PREB: variants seen among roughly 807,000 people sequenced by gnomAD.
The protein encoded by PREB is guanine nucleotide-exchange factor SEC12.
Under a neutral mutation model 46.7 loss-of-function variants are expected in PREB, and 29 were observed. That is an observed-to-expected ratio of 0.62 (90% CI 0.46 to 0.85). The LOEUF (loss-of-function observed/expected upper bound fraction) is 0.85, where lower values mean the gene tolerates loss of function less well. PREB is among the 40% of genes least tolerant of loss of function. The probability of loss-of-function intolerance (pLI) is 0.00; values close to 1 mark genes in which losing one functional copy is unlikely to be tolerated. For synonymous variants in PREB, 224 were observed against 220.1 expected (o/e 1.02, Z -0.16); for missense variants, 494 against 528.4 (o/e 0.93, Z 0.64).
In PREB at chr2:27,134,632, G is replaced by T; in HGVS notation, c.-211C>A. 1.6e-6 allele frequency: 2 copies of T among 1,266,318 alleles called. No homozygotes were observed. Among genetic ancestry groups the T allele is most frequent in the Non-Finnish European group, 2.0e-6 (2 of 999,524 alleles). 78.4% of individuals were successfully genotyped at this position (1,266,318 alleles called of 1,614,324 possible). On this transcript the variant is annotated 5_prime_UTR_variant, in exon 1 of 9. Coordinates refer to ENST00000260643, the MANE Select transcript of PREB (RefSeq NM_013388.6). Reference sequence around the variant, plus strand: ...CCGTCCAAGTCGGTCTCGCAGACGCGCACTGCGCATGCGCACCTGTCTCGC... The same window carrying T: ...CCGTCCAAGTCGGTCTCGCAGACGCTCACTGCGCATGCGCACCTGTCTCGC...
chr2:27,133,033 T>C, intron 3 of PREB, 84 bp downstream of exon 3: 1 of 1,584,396 alleles, frequency 6.3e-7, no homozygotes, highest in Non-Finnish European at 8.7e-7. Context: ...CATTCACAAG[T>C]TTCCCAGATG....
In PREB at chr2:27,131,511, G is replaced by T. The variant is rs761223896; in HGVS notation, c.1160-3C>A. 1 of 1,592,394 alleles carries T rather than the reference G, an allele frequency of 6.3e-7. No homozygotes were observed. On this transcript the variant is annotated splice_region_variant and splice_polypyrimidine_tract_variant and intron_variant, in intron 8 of 8. Coordinates refer to ENST00000260643, the MANE Select transcript of PREB (RefSeq NM_013388.6). ...CAGGAGCCACACAGGAACACTCCCT[G>T]CAGGAGGGAAAGGGAGGAGGTCAGC...
rs780072087 is a variant in PREB at position 27,132,710 on chromosome 2, C to T, written c.645G>A (p.Arg215=). The part of the protein sequence containing the change: ...GPDGKLVTVG[R]DLKASVWQKD... ...TCTGCCACACAGAGGCCTTAAGGTC[C>T]CGGCCCACGGTTACCAACTAGTTAG... The change falls in exon 5 of 9, where the codon CGG becomes CGA. Residue 215 remains arginine (R), a synonymous_variant. Transcript: ENST00000260643. The surrounding 1 kb of genome is among the most constrained non-coding windows in gnomAD (Gnocchi z 4.0). 3.1e-6 allele frequency: 5 copies of T among 1,614,010 alleles called. No homozygotes were observed. The Admixed American group carries it at 5.0e-5, about 16-fold the overall frequency.
intron 1 of PREB, 61 bp downstream of exon 1, chr2:27,134,226 C>G (rs1201985494): frequency 5.4e-6 from 8 of 1,474,930 alleles, no homozygotes; most frequent in Non-Finnish European, 4.5e-6. Context: ...GACCCCCCGG[C>G]CACCCTGGAA....
chr2:27,133,759 TGCC>T lies in PREB; in HGVS notation c.136-41_136-39del, dbSNP rs772364023. The T allele has an allele frequency of 9.4e-6, 15 of 1,596,564 alleles. No homozygotes were observed. In the South Asian group the frequency reaches 1.7e-4, roughly 18 times the overall value. ...GAACCCGGATGAGCAAGTTCAGGGG[TGCC>T]CAGAGAGCACGTTTAGGGAAGAGTC... On this transcript the variant is annotated intron_variant, in intron 1 of 8. Transcript: ENST00000260643.
At position 27,131,483 on chromosome 2, in the gene PREB, G is replaced by A. The variant is rs1470178270; in HGVS notation, c.1185C>T (p.Leu395=). The change falls in exon 9 of 9, where the codon CTC becomes CTT. Residue 395 remains leucine (L), a synonymous_variant. Coordinates refer to ENST00000260643, the MANE Select transcript of PREB (RefSeq NM_013388.6). The part of the protein sequence containing the change: ...SRRSVPVWLL[L]LLCVGLIIVT... ...CAATAATAAGCCCGACACACAGCAGGAGCAGGAGCCACACAGGAACACTCC... is the reference window on the plus strand; with the variant it reads ...CAATAATAAGCCCGACACACAGCAGAAGCAGGAGCCACACAGGAACACTCC... The A allele has an allele frequency of 6.3e-7, 1 of 1,583,536 alleles. No individual in the cohort carries two copies. The highest frequency in any genetic ancestry group is 1.8e-5 in the Admixed American group (1 of 54,828).
At chr2:27,133,773 G>C (rs531761654) in intron 1 of PREB, 52 bp from the exon 2 acceptor site, 1 of 1,556,098 alleles carries the variant, frequency 6.4e-7, no homozygotes, top group East Asian at 2.2e-5. Flanking sequence ...CAGAGAGCAC[G>C]TTTAGGGAAG....
chr2:27,134,111 T>A, intron 1 of PREB, 176 bp downstream of exon 1: 2 of 888,104 alleles, frequency 2.3e-6, no homozygotes, highest in Non-Finnish European at 3.3e-6. Flanking sequence ...AAGCCTCTCC[T>A]CCGCCCGCTG....
chr2:27,131,897 TC>T, intron 7 of PREB, 66 bp from the exon 8 acceptor site: 1 of 1,596,798 alleles, frequency 6.3e-7, no homozygotes. Flanking sequence ...GAAAGCATGT[TC>T]CCCACCCCCA....
chr2:27,132,846 G>A lies in PREB; in HGVS notation c.624C>T (p.Gly208=). ...CCTCCCACCCCCAGCCCCTCACCTT[G>A]CCATCAGGCCCTAAAGCCAGGTCTT... The part of the protein sequence containing the change: ...EIEDLALGPD[G]KLVTVGRDLK... Residue 208 remains glycine (G), a synonymous_variant, in exon 4 of 9, where the codon GGC becomes GGT. Transcript: ENST00000260643. This position sits in a 1 kb window ranked among gnomAD's most constrained non-coding sequence, Gnocchi z 4.0. 6.2e-7 allele frequency: 1 copy of A among 1,609,950 alleles called. No individual in the cohort carries two copies. The highest frequency in any genetic ancestry group is 8.5e-7 in the Non-Finnish European group (1 of 1,177,378).
In PREB at chr2:27,133,321, C is replaced by A; in HGVS notation, c.342G>T (p.Gly114=). ...GGGCTGCTCCCTTCCTTTGTCGAGG[C>A]CCCTGCTCCTTGGAACCTGTAACAC... ...KAEKAGSKEQ[G]PRQRKGAAPA... is the part of the protein sequence containing the mutation. Residue 114 remains glycine (G), a synonymous_variant, in exon 3 of 9, where the codon GGG becomes GGT. Transcript: ENST00000260643. The A allele has an allele frequency of 6.2e-7, 1 of 1,614,180 alleles. No individual in the cohort carries two copies. Among genetic ancestry groups the A allele is most frequent in the Non-Finnish European group, 8.5e-7 (1 of 1,180,050 alleles).
Position 27,131,795 on chromosome 2 carries a change from C to T in PREB, c.1036G>A (p.Val346Met). 1 of 1,614,194 alleles carries T rather than the reference C, an allele frequency of 6.2e-7. No homozygotes were observed. Among genetic ancestry groups the T allele is most frequent in the Non-Finnish European group, 8.5e-7 (1 of 1,180,030 alleles). ...TCAGGTAGAAAGGCCACATCCGTCA[C>T]CACAATGCCATGGGCCTCCCTCACG... ...YYVREAHGIVVTDVAFLPEKG... is the reference protein window; with the variant it reads ...YYVREAHGIVMTDVAFLPEKG... Residue 346 changes from valine (V) to methionine (M), a missense_variant, in exon 8 of 9, where the codon GTG becomes ATG. Val to Met is a conservative substitution (Grantham distance 21, BLOSUM62 1). Transcript: ENST00000260643.
intron 7 of PREB, 39 bp downstream of exon 7, chr2:27,131,971 C>T (rs775136504): frequency 5.6e-6 from 9 of 1,602,034 alleles, no homozygotes; most frequent in East Asian, 2.2e-5. Flanking sequence ...GACAGGCCTA[C>T]AGTCCACCCA....
At position 27,134,278 on chromosome 2, in the gene PREB, C is replaced by A. The variant is rs759844019; in HGVS notation, c.135+9G>T. On this transcript the variant is annotated intron_variant, in intron 1 of 8. Coordinates refer to ENST00000260643, the MANE Select transcript of PREB (RefSeq NM_013388.6). The stretch of plus-strand genomic sequence containing the variant: ...GCAAGACCCAGCCCCAGTGGCCCTG[C>A]GCTCTCACCACGCCATTCTTTATGC... The A allele has an allele frequency of 6.3e-6, 10 of 1,595,896 alleles. No homozygotes were observed. The highest frequency in any genetic ancestry group is 1.7e-4 in the Middle Eastern group (1 of 5,998).
chr2:27,132,820 T>TC lies in PREB; in HGVS notation c.627+22dup, dbSNP rs1192839945. 1 of 1,613,256 alleles carries TC rather than the reference T, an allele frequency of 6.2e-7. No individual in the cohort carries two copies. The highest frequency in any genetic ancestry group is 1.3e-5 in the African/African-American group (1 of 74,776). Reference sequence around the variant, plus strand: ...CACCTCCTCTCTCCTTTCTCCATCCTCCTCCCACCCCCAGCCCCTCACCTT... The same window carrying TC: ...CACCTCCTCTCTCCTTTCTCCATCCTCCCTCCCACCCCCAGCCCCTCACCTT... On this transcript the variant is annotated intron_variant, in intron 4 of 8. Coordinates refer to ENST00000260643, the MANE Select transcript of PREB (RefSeq NM_013388.6). This position sits in a 1 kb window ranked among gnomAD's most constrained non-coding sequence, Gnocchi z 4.0.
intron 1 of PREB, chr2:27,134,056 T>C: frequency 1.5e-6 from 1 of 658,362 alleles, no homozygotes; most frequent in Non-Finnish European, 2.5e-6. Flanking sequence ...AGCTGAAGCG[T>C]TCCTGGCGAC....
intron 2 of PREB, 97 bp downstream of exon 2, chr2:27,133,435 C>T (rs1672370220): frequency 1.3e-6 from 2 of 1,594,468 alleles, no homozygotes; most frequent in Non-Finnish European, 1.7e-6. Flanking sequence ...TAGCTTGCTA[C>T]CAAAACCCTA....
chr2:27,132,996 C>T lies in PREB; in HGVS notation c.547-73G>A. On this transcript the variant is annotated intron_variant, in intron 3 of 8. Transcript: ENST00000260643. This position sits in a 1 kb window ranked among gnomAD's most constrained non-coding sequence, Gnocchi z 4.0. ...ACTGTGACTGATGCCCACGCCACCCCTTCTAATGGCCCCTCAATGCAAGCT... is the reference window on the plus strand; with the variant it reads ...ACTGTGACTGATGCCCACGCCACCCTTTCTAATGGCCCCTCAATGCAAGCT... The T allele has an allele frequency of 6.3e-7, 1 of 1,581,474 alleles. No individual in the cohort carries two copies. The highest frequency in any genetic ancestry group is 8.7e-7 in the Non-Finnish European group (1 of 1,151,334).
Position 27,132,135 on chromosome 2 carries a change from C to T in PREB, c.927-53G>A. On this transcript the variant is annotated intron_variant, in intron 6 of 8. Coordinates refer to ENST00000260643, the MANE Select transcript of PREB (RefSeq NM_013388.6). The surrounding 1 kb of genome is among the most constrained non-coding windows in gnomAD (Gnocchi z 4.0). Reference sequence around the variant, plus strand: ...TCCTGGAGGCTTGTGCAGCAACCCTCATACCCCAATACCGGTCCGTAGGGA... The same window carrying T: ...TCCTGGAGGCTTGTGCAGCAACCCTTATACCCCAATACCGGTCCGTAGGGA... 1 of 1,610,254 alleles carries T rather than the reference C, an allele frequency of 6.2e-7. No homozygotes were observed. The highest frequency in any genetic ancestry group is 8.5e-7 in the Non-Finnish European group (1 of 1,176,524).
Sources: gnomAD v4.1 joint callset for allele counts on GRCh38, gnomAD v4.1.1 for gene constraint, Gnocchi (gnomAD v3.1) non-coding constraint, MANE v1.5 for transcripts, NCBI Gene and HGNC (gene_info 2026-07-23, HGNC 2026-07-21) for gene names.